The following USP13 variants were observed in gnomAD, a reference collection of about 807,000 sequenced individuals.
The protein encoded by USP13 is ubiquitin specific peptidase 13, also known as ubiquitin carboxyl-terminal hydrolase 13.
USP13 carries 68 observed loss-of-function variants against 107.8 expected under a neutral mutation model. That is an observed-to-expected ratio of 0.63 (90% CI 0.52 to 0.77). The LOEUF (loss-of-function observed/expected upper bound fraction) is 0.77, where lower values mean the gene tolerates loss of function less well. Ranked by LOEUF, USP13 falls within the 30% of genes least tolerant of loss-of-function variation. The probability of loss-of-function intolerance (pLI) is 0.00; values close to 1 mark genes in which losing one functional copy is unlikely to be tolerated. For missense variants in USP13, 945 were observed against 1,093.3 expected (o/e 0.86, Z 1.91); for synonymous variants, 377 against 389.5 (o/e 0.97, Z 0.38).
At chr3:179,692,421 G>A (rs1039484957) in intron 3 of USP13, among the ~76,000 whole-genome samples, 1 of 152,112 alleles carries the variant, frequency 6.6e-6, no homozygotes, top group Non-Finnish European at 1.5e-5. Context: ...TTTTCTGTAC[G>A]AGGCTTATCT....
intron 1 of USP13, among the ~76,000 whole-genome samples, chr3:179,654,623 C>T (rs937063349): frequency 4.6e-5 from 7 of 152,132 alleles, no homozygotes; most frequent in African/African-American, 1.7e-4. Context: ...ATATGTCACC[C>T]GGCAGATCTC....
intron 19 of USP13, 61 bp from the exon 20 acceptor site, chr3:179,781,678 C>T: frequency 6.8e-7 from 1 of 1,472,584 alleles, no homozygotes; most frequent in Non-Finnish European, 9.5e-7. Context: ...TAAATTCTAA[C>T]CAGAAGTGCT....
chr3:179,764,046 T>A lies in USP13; in HGVS notation c.2137T>A (p.Ser713Thr), dbSNP rs751132942. ...LTMPGYGGAA[S>T]AGASVFGASG... ...CATGCCTGGTTATGGAGGGGCAGCT[T>A]CTGCTGGAGCCTCTGTTTTTGGTGC... Residue 713 changes from serine to threonine, a missense_variant, in exon 18 of 21, where the codon TCT becomes ACT. Coordinates refer to ENST00000263966, the MANE Select transcript of USP13 (RefSeq NM_003940.3). The A allele has an allele frequency of 6.8e-6, 11 of 1,613,950 alleles. No homozygotes were observed. In the African/African-American group the frequency reaches 1.5e-4, roughly 22 times the overall value.
intron 19 of USP13, among the ~76,000 whole-genome samples, chr3:179,772,803 G>C (rs144142109): frequency 9.5e-4 from 144 of 152,342 alleles, no homozygotes; most frequent in Middle Eastern, 3.4e-3. Flanking sequence ...TTGTAACCGA[G>C]AGACTGGTAA....
At chr3:179,674,367 T>TTC (rs2108446794) in intron 1 of USP13, among the ~76,000 whole-genome samples, 1 of 152,322 alleles carries the variant, frequency 6.6e-6, no homozygotes, top group South Asian at 2.1e-4. Flanking sequence ...GGAACATGTG[T>TTC]CTTTCCTTAA....
At chr3:179,707,445 ATTAATACCCCAGT>A (rs1712764894) in intron 5 of USP13, among the ~76,000 whole-genome samples, 1 of 152,124 alleles carries the variant, frequency 6.6e-6, no homozygotes, top group Admixed American at 6.5e-5. Flanking sequence ...GCATGGGTGG[ATTAATACCCCAGT>A]TTTCTGCCCC....
chr3:179,658,693 T>G (rs1720363359), intron 1 of USP13, among the ~76,000 whole-genome samples: 1 of 152,206 alleles, frequency 6.6e-6, no homozygotes, highest in Non-Finnish European at 1.5e-5. Context: ...CTGCAGAATG[T>G]GCCTCAGAAT....
Position 179,774,639 on chromosome 3 carries a change from C to T in USP13, c.2414-7100C>T, listed in dbSNP as rs191618741. Among the ~76,000 whole-genome samples the T allele has an allele frequency of 3.9e-5, 6 of 152,290 alleles. No homozygotes were observed. In the East Asian group the frequency reaches 1.2e-3, roughly 29 times the overall value. On this transcript the variant is annotated intron_variant, in intron 19 of 20. Transcript: ENST00000263966. ...TTACAGCTCATAAAGGTAGTGGAGACCCAAAGGGTGAGCAGCAGCAAGATT... is the reference window on the plus strand; with the variant it reads ...TTACAGCTCATAAAGGTAGTGGAGATCCAAAGGGTGAGCAGCAGCAAGATT...
chr3:179,786,272 C>T lies in USP13; in HGVS notation c.*2131C>T, dbSNP rs1447338260. 3.3e-5 allele frequency: 5 copies of T among 152,072 alleles called. No homozygotes were observed. The highest frequency in any genetic ancestry group is 9.6e-5 in the African/African-American group (4 of 41,462). 9.4% of individuals were successfully genotyped at this position (152,072 alleles called of 1,614,324 possible). A position where few individuals can be genotyped will look rare whatever the true frequency, so the allele number is the denominator to read the frequency against. On this transcript the variant is annotated 3_prime_UTR_variant, in exon 21 of 21. Coordinates refer to ENST00000263966, the MANE Select transcript of USP13 (RefSeq NM_003940.3). ...CACGTCAAAAATGGCTTGTTTTCAGCGATGTTATAAAACAAAGGCCTGTTT... is the reference window on the plus strand; with the variant it reads ...CACGTCAAAAATGGCTTGTTTTCAGTGATGTTATAAAACAAAGGCCTGTTT...
intron 8 of USP13, among the ~76,000 whole-genome samples, chr3:179,727,571 T>C (rs1290251433): frequency 6.7e-4 from 79 of 117,152 alleles, no homozygotes; most frequent in African/African-American, 2.3e-3. Flanking sequence ...TACCTCTTTC[T>C]ACACAGACAC....
intron 3 of USP13, among the ~76,000 whole-genome samples, chr3:179,694,866 A>T (rs180718900): frequency 8.6e-5 from 13 of 151,948 alleles, no homozygotes; most frequent in African/African-American, 3.1e-4. Context: ...AAAATAGTCT[A>T]ATCTCCCAGC....
chr3:179,654,016 C>T (rs1161987480), intron 1 of USP13, among the ~76,000 whole-genome samples: 1 of 151,814 alleles, frequency 6.6e-6, no homozygotes, highest in East Asian at 1.9e-4. Flanking sequence ...TCGAGACCAG[C>T]CTGGCTAATA....
chr3:179,750,974 T>C (rs891120921), intron 13 of USP13, among the ~76,000 whole-genome samples: 13 of 152,244 alleles, frequency 8.5e-5, no homozygotes, highest in Admixed American at 7.8e-4. Context: ...ATTTGTTTTC[T>C]AACAGAAGAT....
chr3:179,693,915 G>A (rs1712196952), intron 3 of USP13, among the ~76,000 whole-genome samples: 1 of 151,848 alleles, frequency 6.6e-6, no homozygotes, highest in African/African-American at 2.4e-5. Flanking sequence ...CTGACCTCAG[G>A]TGGTCTGCCC....
chr3:179,761,404 T>A, intron 17 of USP13, 149 bp downstream of exon 17: 8 of 1,123,022 alleles, frequency 7.1e-6, no homozygotes, highest in Non-Finnish European at 7.3e-6. Flanking sequence ...AAGCCAGTCT[T>A]TTTCTTCTTC....
At position 179,752,023 on chromosome 3, in the gene USP13, G is replaced by A. The variant is rs546599073; in HGVS notation, c.1710-262G>A. 6.6e-5 allele frequency among the ~76,000 whole-genome samples: 10 copies of A among 152,328 alleles called. No individual in the cohort carries two copies. The East Asian group carries it at 7.7e-4, about 12-fold the overall frequency. On this transcript the variant is annotated intron_variant, in intron 13 of 20. Coordinates refer to ENST00000263966, the MANE Select transcript of USP13 (RefSeq NM_003940.3). Reference sequence around the variant, plus strand: ...CTCCCAAAGTGCTGGGATTACAGGCGTGAGCCACCGCACCTACCCAAAAGC... The same window carrying A: ...CTCCCAAAGTGCTGGGATTACAGGCATGAGCCACCGCACCTACCCAAAAGC...
intron 13 of USP13, among the ~76,000 whole-genome samples, chr3:179,747,363 G>A (rs1387407708): frequency 2.0e-5 from 3 of 152,176 alleles, no homozygotes; most frequent in Non-Finnish European, 2.9e-5. Flanking sequence ...CTTTTGTTGT[G>A]ATTCCATTTT....
chr3:179,658,041 C>T (rs1013167634), intron 1 of USP13, among the ~76,000 whole-genome samples: 1 of 152,086 alleles, frequency 6.6e-6, no homozygotes, highest in African/African-American at 2.4e-5. Context: ...CTGGCTTGTC[C>T]ATGTGTAAGA....
chr3:179,691,000 G>A (rs942687129), intron 3 of USP13, among the ~76,000 whole-genome samples: 7 of 151,594 alleles, frequency 4.6e-5, no homozygotes, highest in Admixed American at 2.0e-4. Flanking sequence ...AGGCCCTGTC[G>A]TTACCAAAAA....
Sources: allele counts gnomAD v4.1 joint callset (sites outside exome capture counted in the v4.1 genomes callset), GRCh38; gene constraint gnomAD v4.1.1; transcripts MANE v1.5; gene names NCBI Gene and HGNC (gene_info 2026-07-23, HGNC 2026-07-21).